COL22A1: variants seen among roughly 807,000 people sequenced by gnomAD.
COL22A1 encodes the protein collagen alpha-1(XXII) chain.
COL22A1 carries 221 observed loss-of-function variants against 248.9 expected under a neutral mutation model. The ratio of observed to expected loss-of-function variants is 0.89; its 90% CI spans 0.80 to 0.99. The LOEUF is 0.99. Among genes scored for constraint, COL22A1 ranks in the 50% least tolerant of loss-of-function variants. COL22A1 has a pLI of 0.00. For missense variants in COL22A1, 2,240 were observed against 2,179.0 expected, an observed-to-expected ratio of 1.03 and a Z score of -0.56; for synonymous variants, 891 against 793.4, an observed-to-expected ratio of 1.12 and a Z score of -2.07.
chr8:138,821,066 G>T (rs949712731), intron 7 of COL22A1, 70 bp downstream of exon 7: 16 of 1,532,910 alleles, frequency 1.0e-5, no homozygotes, highest in Admixed American at 3.5e-5. Flanking sequence ...GAACACTGAG[G>T]GCACTTAGCT....
At chr8:138,912,597 G>A (rs182520671) in intron 1 of COL22A1, among the ~76,000 whole-genome samples, 5 of 152,216 alleles carry the variant, frequency 3.3e-5, no homozygotes, top group African/African-American at 9.6e-5. Context: ...AAAATTAGCC[G>A]GGCATGGTAG....
chr8:138,822,242 G>C (rs1221863983), intron 6 of COL22A1, among the ~76,000 whole-genome samples: 1 of 152,092 alleles, frequency 6.6e-6, no homozygotes, highest in East Asian at 1.9e-4. Context: ...TAGAGACAAG[G>C]TTTCACCATT....
intron 35 of COL22A1, among the ~76,000 whole-genome samples, chr8:138,691,702 G>A (rs972512809): frequency 2.3e-5 from 1 of 43,074 alleles, no homozygotes; most frequent in African/African-American, 7.7e-5. Context: ...GTGCATATTT[G>A]TGGAGGTGTG....
At chr8:138,760,105 A>G (rs1833332720) in intron 18 of COL22A1, 138 bp downstream of exon 18, 3 of 514,698 alleles carry the variant, frequency 5.8e-6, no homozygotes, top group Non-Finnish European at 9.8e-6. Context: ...CTGATGCCCC[A>G]GCCACCACCC....
chr8:138,827,242 T>C (rs925609476), intron 5 of COL22A1: 30 of 166,676 alleles, frequency 1.8e-4, no homozygotes, highest in Non-Finnish European at 1.8e-4. Context: ...TCTTCCTAAA[T>C]CCATATGTTG....
intron 3 of COL22A1, among the ~76,000 whole-genome samples, chr8:138,856,740 G>T (rs1429746302): frequency 1.3e-5 from 2 of 152,134 alleles, no homozygotes; most frequent in African/African-American, 4.8e-5. Flanking sequence ...AGAGAGAGGA[G>T]CTTTTGTGTG....
intron 2 of COL22A1, among the ~76,000 whole-genome samples, chr8:138,880,339 T>C (rs765067138): frequency 1.3e-5 from 2 of 152,350 alleles, no homozygotes; most frequent in Non-Finnish European, 2.9e-5. Flanking sequence ...AGAAAACCTG[T>C]GCGTGTGTGT....
intron 24 of COL22A1, 102 bp from the exon 25 acceptor site, chr8:138,724,770 G>A (rs2131165513): frequency 8.8e-7 from 1 of 1,134,794 alleles, no homozygotes; most frequent in South Asian, 1.2e-5. Flanking sequence ...TGGGTCTGAG[G>A]AGGGCACCCT....
intron 61 of COL22A1, 31 bp from the exon 62 acceptor site, chr8:138,597,001 C>T (rs1197637134): frequency 2.5e-6 from 4 of 1,597,526 alleles, no homozygotes; most frequent in Middle Eastern, 1.7e-4. Flanking sequence ...AGTCATTCAT[C>T]TTCCCAGTAA....
chr8:138,822,661 C>T (rs138884055), intron 6 of COL22A1, among the ~76,000 whole-genome samples: 5 of 152,142 alleles, frequency 3.3e-5, no homozygotes, highest in Admixed American at 6.5e-5. Context: ...GACTTCTTCT[C>T]GGCTCCTGGA....
intron 20 of COL22A1, 134 bp from the exon 21 acceptor site, chr8:138,755,344 G>A: frequency 8.0e-7 from 1 of 1,255,058 alleles, no homozygotes; most frequent in African/African-American, 1.5e-5. Context: ...GTATGGGAGT[G>A]GGTATTTGCA....
At chr8:138,791,982 T>C (rs1816090604) in intron 12 of COL22A1, among the ~76,000 whole-genome samples, 1 of 152,216 alleles carries the variant, frequency 6.6e-6, no homozygotes, top group Non-Finnish European at 1.5e-5. Flanking sequence ...TATTGCCATA[T>C]GGATTTCTGT....
At chr8:138,619,802 A>C in intron 52 of COL22A1, among the ~76,000 whole-genome samples, 1 of 152,210 alleles carries the variant, frequency 6.6e-6, no homozygotes, top group South Asian at 2.1e-4. Flanking sequence ...GTGGATGAGA[A>C]ATTATATGGC....
At chr8:138,854,249 C>T (rs1821849498) in intron 3 of COL22A1, among the ~76,000 whole-genome samples, 1 of 152,162 alleles carries the variant, frequency 6.6e-6, no homozygotes, top group South Asian at 2.1e-4. Context: ...ATGAACACAT[C>T]CTGGGTGTCC....
At chr8:138,658,239 C>T (rs1823471212) in intron 44 of COL22A1, among the ~76,000 whole-genome samples, 1 of 152,198 alleles carries the variant, frequency 6.6e-6, no homozygotes, top group African/African-American at 2.4e-5. Flanking sequence ...CCAAACCCTG[C>T]ACATTCCAAA....
At chr8:138,695,732 G>GC (rs1406900742) in intron 32 of COL22A1, among the ~76,000 whole-genome samples, 1 of 152,084 alleles carries the variant, frequency 6.6e-6, no homozygotes, top group Non-Finnish European at 1.5e-5. Flanking sequence ...CATCCAGGGT[G>GC]CCCAACACAT....
chr8:138,652,660 T>C (rs1420208082), intron 45 of COL22A1, among the ~76,000 whole-genome samples: 1 of 151,884 alleles, frequency 6.6e-6, no homozygotes, highest in African/African-American at 2.4e-5. Flanking sequence ...GTTCATTGTA[T>C]GTAATCTATT....
chr8:138,637,614 GCTAA>G (rs1220873407), intron 47 of COL22A1, among the ~76,000 whole-genome samples: 1 of 152,162 alleles, frequency 6.6e-6, no homozygotes, highest in African/African-American at 2.4e-5. Flanking sequence ...TTTGCCACTT[GCTAA>G]CTGTGTGTCA....
chr8:138,776,071 T>C, intron 15 of COL22A1, 61 bp from the exon 16 acceptor site: 1 of 1,566,674 alleles, frequency 6.4e-7, no homozygotes, highest in Non-Finnish European at 8.8e-7. Flanking sequence ...GTGCTCACCG[T>C]GGGGGTGTCC....
Sources: allele counts gnomAD v4.1 joint callset (sites outside exome capture counted in the v4.1 genomes callset), GRCh38; gene constraint gnomAD v4.1.1; transcripts MANE v1.5; gene names NCBI Gene and HGNC (gene_info 2026-07-23, HGNC 2026-07-21).